RREB1: variants seen among roughly 807,000 people sequenced by gnomAD.
RREB1 encodes the protein ras responsive element binding protein 1.
RREB1 carries 27 observed loss-of-function variants against 117.8 expected under a neutral mutation model. The observed-to-expected ratio is 0.23, with a 90% CI of 0.17 to 0.32. The LOEUF (loss-of-function observed/expected upper bound fraction) is 0.32, where lower values mean the gene tolerates loss of function less well. RREB1 is among the 10% of genes least tolerant of loss of function. RREB1 has a pLI of 1.00. For synonymous variants in RREB1, 1,298 were observed against 1,026.7 expected, an observed-to-expected ratio of 1.26 and a Z score of -5.05; for missense variants, 2,577 against 2,378.2, an observed-to-expected ratio of 1.08 and a Z score of -1.74.
intron 6 of RREB1, among the ~76,000 whole-genome samples, chr6:7,193,004 A>G (rs896404291): frequency 1.3e-5 from 2 of 152,276 alleles, no homozygotes; most frequent in African/African-American, 4.8e-5. Context: ...TCATCTCAGC[A>G]TATTTTCTAA....
At chr6:7,157,360 G>A (rs964902726) in intron 1 of RREB1, among the ~76,000 whole-genome samples, 3 of 151,890 alleles carry the variant, frequency 2.0e-5, no homozygotes, top group Admixed American at 6.6e-5. Flanking sequence ...CTTGAACCCG[G>A]GAGGTGGAGG....
chr6:7,120,258 C>T (rs1344757864), intron 1 of RREB1, among the ~76,000 whole-genome samples: 1 of 151,974 alleles, frequency 6.6e-6, no homozygotes, highest in Non-Finnish European at 1.5e-5. Context: ...TGAGACTGGC[C>T]TGGACAACAA....
At chr6:7,218,261 A>G (rs1411324642) in intron 8 of RREB1, 1 of 152,230 alleles carries the variant, frequency 6.6e-6, no homozygotes, top group Non-Finnish European at 1.5e-5. Context: ...TCTGTCCCTC[A>G]GCTGTCACAA....
At chr6:7,138,674 A>G (rs1762440391) in intron 1 of RREB1, among the ~76,000 whole-genome samples, 1 of 152,228 alleles carries the variant, frequency 6.6e-6, no homozygotes, top group South Asian at 2.1e-4. Flanking sequence ...AATACCAGAA[A>G]TTCACAAGTG....
chr6:7,124,248 T>C (rs1045314631), intron 1 of RREB1, among the ~76,000 whole-genome samples: 4 of 152,162 alleles, frequency 2.6e-5, no homozygotes, highest in Admixed American at 2.0e-4. Context: ...GGAGAGTAGA[T>C]GCTGTGTGGT....
chr6:7,160,535 G>C (rs138935786), intron 1 of RREB1, among the ~76,000 whole-genome samples: 1 of 151,782 alleles, frequency 6.6e-6, no homozygotes. Context: ...TTTGAGACAG[G>C]GTCTCAGTTT....
intron 1 of RREB1, among the ~76,000 whole-genome samples, chr6:7,151,554 C>T (rs527996171): frequency 2.0e-5 from 3 of 152,270 alleles, no homozygotes; most frequent in African/African-American, 7.2e-5. Flanking sequence ...TGGTCATGGC[C>T]TTAACATCTG....
intron 6 of RREB1, 58 bp downstream of exon 6, chr6:7,189,380 G>C: frequency 6.8e-7 from 1 of 1,478,280 alleles, no homozygotes; most frequent in Non-Finnish European, 9.1e-7. Flanking sequence ...TTGGCAGGCA[G>C]GACAGTGGCC....
At chr6:7,242,704 G>GGA (rs1018295600) in intron 11 of RREB1, among the ~76,000 whole-genome samples, 1 of 151,106 alleles carries the variant, frequency 6.6e-6, no homozygotes, top group Non-Finnish European at 1.5e-5. Context: ...AAAAAAAGGG[G>GGA]GGGGGGGAAG....
At chr6:7,173,971 C>T (rs1218228085) in intron 1 of RREB1, among the ~76,000 whole-genome samples, 1 of 152,134 alleles carries the variant, frequency 6.6e-6, no homozygotes, top group African/African-American at 2.4e-5. Flanking sequence ...GGGGGCTGGC[C>T]TTTCCCTCCT....
chr6:7,210,738 T>C, intron 6 of RREB1, 66 bp from the exon 7 acceptor site: 1 of 1,464,528 alleles, frequency 6.8e-7, no homozygotes, highest in Non-Finnish European at 9.3e-7. Context: ...AAATATAAAA[T>C]ATTAAAAACA....
At chr6:7,144,668 A>T (rs1008242322) in intron 1 of RREB1, among the ~76,000 whole-genome samples, 6 of 151,318 alleles carry the variant, frequency 4.0e-5, no homozygotes, top group Non-Finnish European at 8.8e-5. Flanking sequence ...TTAATGAAGT[A>T]TATTTTAATC....
intron 6 of RREB1, among the ~76,000 whole-genome samples, chr6:7,207,292 T>C (rs2113608896): frequency 6.6e-6 from 1 of 152,350 alleles, no homozygotes; most frequent in East Asian, 1.9e-4. Context: ...ATATCTCTAG[T>C]GCTCAGCCAC....
chr6:7,120,032 G>A, intron 1 of RREB1, among the ~76,000 whole-genome samples: 1 of 152,172 alleles, frequency 6.6e-6, no homozygotes, highest in East Asian at 1.9e-4. Flanking sequence ...CGCTGGATTA[G>A]TCAGGGTTTA....
chr6:7,137,556 G>A (rs937496043), intron 1 of RREB1, among the ~76,000 whole-genome samples: 4 of 152,250 alleles, frequency 2.6e-5, no homozygotes, highest in African/African-American at 9.6e-5. Context: ...GAAGCCAGAT[G>A]CTAAGATAGT....
intron 8 of RREB1, chr6:7,217,940 T>C (rs1478143304): frequency 6.6e-6 from 1 of 152,182 alleles, no homozygotes; most frequent in African/African-American, 2.4e-5. Flanking sequence ...AACAGCTGTT[T>C]TTATCTAGTT....
chr6:7,142,771 G>C (rs749638514), intron 1 of RREB1, among the ~76,000 whole-genome samples: 1 of 152,246 alleles, frequency 6.6e-6, no homozygotes, highest in Non-Finnish European at 1.5e-5. Context: ...GTGACTTTAC[G>C]TGGCACCCCC....
At chr6:7,135,705 C>T (rs1316611446) in intron 1 of RREB1, among the ~76,000 whole-genome samples, 4 of 152,126 alleles carry the variant, frequency 2.6e-5, no homozygotes, top group Admixed American at 6.5e-5. Context: ...GCAGGTATTC[C>T]GTTTAAGTTT....
chr6:7,198,095 T>G (rs1486993306), intron 6 of RREB1, among the ~76,000 whole-genome samples: 1 of 152,056 alleles, frequency 6.6e-6, no homozygotes, highest in African/African-American at 2.4e-5. Context: ...AGAGGAAGGG[T>G]CCTGTGAACT....
Sources: allele counts gnomAD v4.1 joint callset (sites outside exome capture counted in the v4.1 genomes callset), GRCh38; gene constraint gnomAD v4.1.1; transcripts MANE v1.5; gene names NCBI Gene and HGNC (gene_info 2026-07-23, HGNC 2026-07-21).